Variants in HS6ST2 observed in about 807,000 individuals in gnomAD.
The protein encoded by HS6ST2 is heparan sulfate 6-O-sulfotransferase 2, also known as heparan-sulfate 6-O-sulfotransferase 2.
A neutral mutation model predicts 33.0 loss-of-function variants in HS6ST2; 17 were observed. The observed-to-expected ratio is 0.52, with a 90% confidence interval of 0.35 to 0.77. The LOEUF is 0.77. Ranked by LOEUF, HS6ST2 falls within the 30% of genes least tolerant of loss-of-function variation. The pLI, the probability that HS6ST2 is intolerant of heterozygous loss-of-function variation, is 0.01. For missense variants in HS6ST2, 519 were observed against 551.7 expected, an observed-to-expected ratio of 0.94 and a Z score of 0.59; for synonymous variants, 248 against 237.1, an observed-to-expected ratio of 1.05 and a Z score of -0.42.
At chrX:132,709,842 A>ACACACACAC (rs1192149253) in intron 2 of HS6ST2, among the ~76,000 whole-genome samples, 1 of 10,199 alleles carries the variant, frequency 9.8e-5, no homozygotes, top group Non-Finnish European at 2.0e-4. Flanking sequence ...CACACACACA[A>ACACACACAC]GAAAATATTT....
At chrX:132,789,514 A>T (rs984547414) in intron 2 of HS6ST2, among the ~76,000 whole-genome samples, 13 of 112,053 alleles carry the variant, frequency 1.2e-4, no homozygotes, top group Non-Finnish European at 2.1e-4. Context: ...ATGCCTGCTA[A>T]CACAACATCC....
At chrX:132,646,373 T>C (rs780820853) in intron 4 of HS6ST2, among the ~76,000 whole-genome samples, 132 of 110,308 alleles carry the variant, frequency 1.2e-3, no homozygotes, top group Admixed American at 3.7e-3. Context: ...AAATGACCTC[T>C]AAGATATCCC....
chrX:132,912,674 A>G (rs977204111), intron 2 of HS6ST2, among the ~76,000 whole-genome samples: 1 of 111,881 alleles, frequency 8.9e-6, no homozygotes, highest in Non-Finnish European at 1.9e-5. Context: ...CTCCCAACTC[A>G]TGGCTCAGAT....
intron 2 of HS6ST2, among the ~76,000 whole-genome samples, chrX:132,824,675 T>C (rs938267971): frequency 2.7e-5 from 3 of 112,722 alleles, no homozygotes; most frequent in Non-Finnish European, 3.7e-5. Context: ...TTTTATTCTA[T>C]GATTTATTCT....
intron 2 of HS6ST2, among the ~76,000 whole-genome samples, chrX:132,916,569 C>T (rs1235629616): frequency 8.9e-6 from 1 of 111,902 alleles, no homozygotes; most frequent in Non-Finnish European, 1.9e-5. Context: ...TCTGGGTGAG[C>T]ACTATCCAAC....
chrX:132,882,875 T>C (rs1398197823), intron 2 of HS6ST2, among the ~76,000 whole-genome samples: 62 of 111,824 alleles, frequency 5.5e-4, no homozygotes, highest in Non-Finnish European at 1.1e-3. Flanking sequence ...CTGCATCTAC[T>C]GAGATAATCA....
chrX:132,823,853 A>AATAATAAT (rs1556457833), intron 2 of HS6ST2, among the ~76,000 whole-genome samples: 6 of 92,542 alleles, frequency 6.5e-5, no homozygotes, highest in African/African-American at 2.0e-4. Context: ...ACTTCATAAA[A>AATAATAAT]AATAATAATA....
intron 2 of HS6ST2, among the ~76,000 whole-genome samples, chrX:132,712,985 A>G (rs759458185): frequency 1.8e-5 from 2 of 111,422 alleles, no homozygotes; most frequent in Non-Finnish European, 3.8e-5. Flanking sequence ...AGATTATGCC[A>G]CTGCACTGCA....
intron 2 of HS6ST2, among the ~76,000 whole-genome samples, chrX:132,893,584 A>C (rs1184963318): frequency 9.0e-6 from 1 of 111,593 alleles, no homozygotes; most frequent in African/African-American, 3.3e-5. Flanking sequence ...TCAGGGTATG[A>C]GCTCCAATGC....
intron 3 of HS6ST2, among the ~76,000 whole-genome samples, chrX:132,679,555 G>A (rs754110860): frequency 1.5e-3 from 166 of 111,474 alleles, no homozygotes; most frequent in Non-Finnish European, 2.6e-3. Flanking sequence ...GGACTGGGGC[G>A]AAATTAAAAT....
intron 2 of HS6ST2, among the ~76,000 whole-genome samples, chrX:132,943,013 A>G (rs1472647799): frequency 8.9e-6 from 1 of 112,306 alleles, no homozygotes; most frequent in Non-Finnish European, 1.9e-5. Context: ...AAAACATCAT[A>G]CTTATGTGTA....
intron 2 of HS6ST2, among the ~76,000 whole-genome samples, chrX:132,751,541 G>A (rs965997185): frequency 2.7e-5 from 3 of 111,901 alleles, no homozygotes; most frequent in Admixed American, 9.5e-5. Context: ...TTACAGACAG[G>A]GGAGGAAGGA....
chrX:132,715,232 C>T (rs760461842), intron 2 of HS6ST2, among the ~76,000 whole-genome samples: 3 of 111,114 alleles, frequency 2.7e-5, no homozygotes, highest in Non-Finnish European at 5.7e-5. Flanking sequence ...CCCAGGAGTT[C>T]AAGACCAACC....
At position 132,936,867 on chromosome X, in the gene HS6ST2, GA is replaced by G. The variant is rs1178343279; in HGVS notation, c.947+19940del. On this transcript the variant is annotated intron_variant, in intron 2 of 4. Transcript: ENST00000370833. ...TGAACCTAAAATAAAAGTTGAGAAA[GA>G]AAAAAAAAAAAGAAAGAAAATGCAT... is the stretch of plus-strand genomic sequence containing the variant. Among the ~76,000 whole-genome samples the G allele has an allele frequency of 2.8e-3, 236 of 85,246 alleles. 2 individuals are homozygous for G. The highest frequency in any genetic ancestry group is 7.6e-3 in the African/African-American group (178 of 23,413). 74.0% of individuals were successfully genotyped at this position (85,246 alleles called of 115,157 possible).
intron 3 of HS6ST2, among the ~76,000 whole-genome samples, chrX:132,675,464 T>C (rs1419397365): frequency 4.5e-5 from 5 of 111,900 alleles, no homozygotes; most frequent in African/African-American, 1.6e-4. Flanking sequence ...TAGAGATTAA[T>C]GCTAAGGTTA....
intron 2 of HS6ST2, among the ~76,000 whole-genome samples, chrX:132,940,462 A>T (rs2066874491): frequency 8.9e-6 from 1 of 112,195 alleles, no homozygotes; most frequent in South Asian, 3.7e-4. Context: ...TTCCTGCTTC[A>T]ATGGGTACCT....
intron 4 of HS6ST2, among the ~76,000 whole-genome samples, chrX:132,660,343 G>A: frequency 9.0e-6 from 1 of 111,293 alleles, no homozygotes; most frequent in Middle Eastern, 4.6e-3. Context: ...TGCAGAGGGA[G>A]AGCCGGTAAC....
intron 2 of HS6ST2, among the ~76,000 whole-genome samples, chrX:132,756,712 C>T (rs1417089873): frequency 9.0e-6 from 1 of 110,676 alleles, no homozygotes; most frequent in Non-Finnish European, 1.9e-5. Flanking sequence ...TCAGGCCTGA[C>T]TGTGATCTCG....
chrX:132,753,492 C>T (rs2064727865), intron 2 of HS6ST2, among the ~76,000 whole-genome samples: 1 of 111,226 alleles, frequency 9.0e-6, no homozygotes, highest in South Asian at 3.9e-4. Flanking sequence ...CTCATGAGAT[C>T]TGATGGTTTT....
Sources: gnomAD v4.1 joint callset for allele counts (sites outside exome capture counted in the v4.1 genomes callset) on GRCh38, gnomAD v4.1.1 for gene constraint, MANE v1.5 for transcripts, NCBI Gene and HGNC (gene_info 2026-07-23, HGNC 2026-07-21) for gene names.